Variants in GOLGA7B observed in about 807,000 individuals in gnomAD.
The protein encoded by GOLGA7B is golgin subfamily A member 7B.
In GOLGA7B, 17 loss-of-function variants were observed where a neutral mutation model predicts 21.5. The observed-to-expected ratio is 0.79, with a 90% CI of 0.54 to 1.19. The LOEUF is 1.19. Ranked by LOEUF, GOLGA7B falls within the 50% of genes most tolerant of loss-of-function variation. GOLGA7B has a pLI of 0.00. For synonymous variants in GOLGA7B, 87 were observed against 84.0 expected, an observed-to-expected ratio of 1.04 and a Z score of -0.19; for missense variants, 169 against 224.4, an observed-to-expected ratio of 0.75 and a Z score of 1.58.
chr10:97,856,679 T>TA (rs1480941585), intron 1 of GOLGA7B, among the ~76,000 whole-genome samples: 1 of 152,250 alleles, frequency 6.6e-6, no homozygotes, highest in Non-Finnish European at 1.5e-5. Flanking sequence ...TCCATAGAGG[T>TA]TGAACTAATT....
Position 97,869,385 on chromosome 10 carries a change from A to G in GOLGA7B, c.*3685A>G, listed in dbSNP as rs979349813. The G allele has an allele frequency of 6.6e-6, 1 of 152,408 alleles. No homozygotes were observed. Among genetic ancestry groups the G allele is most frequent in the Non-Finnish European group, 1.5e-5 (1 of 68,232 alleles). 9.4% of individuals were successfully genotyped at this position (152,408 alleles called of 1,614,324 possible). A position where few individuals can be genotyped will look rare whatever the true frequency, so the allele number is the denominator to read the frequency against. On this transcript the variant is annotated 3_prime_UTR_variant, in exon 5 of 5. Transcript: ENST00000370602. ...GTCTCTCCGGGGTCTGGCTGTAGCC[A>G]TGTCCCTGCACCCACCTTGCCAGCC...
chr10:97,862,393 C>T (rs2136517462), intron 2 of GOLGA7B, among the ~76,000 whole-genome samples: 1 of 152,324 alleles, frequency 6.6e-6, no homozygotes, highest in Admixed American at 6.5e-5. Context: ...TAGTAGCCTA[C>T]TGTTGACTGG....
intron 1 of GOLGA7B, among the ~76,000 whole-genome samples, chr10:97,852,013 T>A (rs1009971000): frequency 1.3e-5 from 2 of 152,228 alleles, no homozygotes; most frequent in African/African-American, 4.8e-5. Context: ...ATGGTGTTAT[T>A]ATGCCCAATT....
intron 1 of GOLGA7B, among the ~76,000 whole-genome samples, chr10:97,852,471 G>T (rs1178673340): frequency 1.3e-5 from 2 of 152,164 alleles, no homozygotes; most frequent in Admixed American, 1.3e-4. Context: ...CAGAACTGAG[G>T]CAGGAAGCCT....
At chr10:97,865,369 C>T (rs1167699943) in intron 4 of GOLGA7B, 5 of 705,526 alleles carry the variant, frequency 7.1e-6, no homozygotes, top group Admixed American at 6.2e-5. Context: ...CAGCTATGTG[C>T]CCAGCACAGG....
intron 1 of GOLGA7B, among the ~76,000 whole-genome samples, chr10:97,857,389 A>G (rs1233887228): frequency 2.3e-4 from 35 of 151,804 alleles, no homozygotes; most frequent in Admixed American, 2.3e-3. Flanking sequence ...ACACACACAC[A>G]CACACACACA....
intron 1 of GOLGA7B, among the ~76,000 whole-genome samples, chr10:97,850,980 G>A (rs1010664711): frequency 6.6e-6 from 1 of 151,572 alleles, no homozygotes; most frequent in Non-Finnish European, 1.5e-5. Flanking sequence ...GCTGAACCAC[G>A]GGGCCTGTTA....
chr10:97,854,929 G>A (rs1368056504), intron 1 of GOLGA7B, among the ~76,000 whole-genome samples: 1 of 152,146 alleles, frequency 6.6e-6, no homozygotes, highest in Admixed American at 6.5e-5. Context: ...CTTCAACACA[G>A]GGCTCCACCA....
chr10:97,851,237 C>G (rs1262604076), intron 1 of GOLGA7B, among the ~76,000 whole-genome samples: 1 of 152,182 alleles, frequency 6.6e-6, no homozygotes, highest in Non-Finnish European at 1.5e-5. Flanking sequence ...CAGGGTCTCC[C>G]CAGTTCTGAT....
intron 1 of GOLGA7B, among the ~76,000 whole-genome samples, chr10:97,855,589 G>T (rs753988884): frequency 6.6e-6 from 1 of 152,092 alleles, no homozygotes; most frequent in African/African-American, 2.4e-5. Flanking sequence ...CCACAAAACT[G>T]CTAGAATGAG....
chr10:97,858,188 AG>A (rs2049948112), intron 1 of GOLGA7B, among the ~76,000 whole-genome samples: 1 of 152,038 alleles, frequency 6.6e-6, no homozygotes. Context: ...GACTCAACAC[AG>A]GCTTCAGGAG....
chr10:97,859,675 A>G, intron 2 of GOLGA7B, 92 bp downstream of exon 2: 19 of 1,314,064 alleles, frequency 1.4e-5, no homozygotes, highest in Non-Finnish European at 1.8e-5. Context: ...CCTATGACAC[A>G]TAATATCATA....
At position 97,852,435 on chromosome 10, in the gene GOLGA7B, A is replaced by G. The variant is rs545973108; in HGVS notation, c.12+2120A>G. Among the ~76,000 whole-genome samples, 13 of 152,068 alleles carry G rather than the reference A, an allele frequency of 8.5e-5. No individual in the cohort carries two copies. The South Asian group carries it at 2.5e-3, about 29-fold the overall frequency. On this transcript the variant is annotated intron_variant, in intron 1 of 4. Transcript: ENST00000370602. Reference sequence around the variant, plus strand: ...GAGGACAAACATTCCTCACTTCACAATTTGGCCTTGGGTGGACTCTGATGG... The same window carrying G: ...GAGGACAAACATTCCTCACTTCACAGTTTGGCCTTGGGTGGACTCTGATGG...
At position 97,850,224 on chromosome 10, in the gene GOLGA7B, C is replaced by A; in HGVS notation, c.-80C>A. The A allele has an allele frequency of 8.9e-7, 1 of 1,127,748 alleles. No individual in the cohort carries two copies. The highest frequency in any genetic ancestry group is 1.2e-6 in the Non-Finnish European group (1 of 843,546). The allele number at this position is 1,127,748 out of a possible 1,614,324, so 69.9% of individuals were successfully genotyped here. On this transcript the variant is annotated 5_prime_UTR_variant, in exon 1 of 5. Transcript: ENST00000370602. ...GGGCCCCAGCTCGCCGCCACCGCCG[C>A]CGCCCACCTGCTCCCGGGGTCAGCA...
intron 1 of GOLGA7B, among the ~76,000 whole-genome samples, chr10:97,856,781 G>A (rs186767693): frequency 1.8e-4 from 28 of 152,236 alleles, no homozygotes; most frequent in Non-Finnish European, 2.1e-4. Flanking sequence ...TCTGATTGGT[G>A]TAGCATGATG....
At position 97,870,814 on chromosome 10, in the gene GOLGA7B, C is replaced by G. The variant is rs2050084921; in HGVS notation, c.*5114C>G. ...CCTCTAAAAGGGAAGGTCCCTGATG[C>G]CTAAGAAAATCTGAAAACAGCCCAG... On this transcript the variant is annotated 3_prime_UTR_variant, in exon 5 of 5. Coordinates refer to ENST00000370602, the MANE Select transcript of GOLGA7B (RefSeq NM_001010917.3). The G allele has an allele frequency of 6.6e-6, 1 of 151,946 alleles. No individual in the cohort carries two copies. Among genetic ancestry groups the G allele is most frequent in the African/African-American group, 2.4e-5 (1 of 41,340 alleles). The allele number at this position is 151,946 out of a possible 1,614,324, so 9.4% of individuals were successfully genotyped here. A position where few individuals can be genotyped will look rare whatever the true frequency, so the allele number is the denominator to read the frequency against.
chr10:97,854,870 A>T (rs563816507), intron 1 of GOLGA7B, among the ~76,000 whole-genome samples: 2 of 152,324 alleles, frequency 1.3e-5, no homozygotes, highest in South Asian at 4.1e-4. Flanking sequence ...CAAGGCAGTG[A>T]TTCAGTGATT....
chr10:97,864,087 C>A lies in GOLGA7B; in HGVS notation c.291+5C>A, dbSNP rs1309357984. Reference sequence around the variant, plus strand: ...ATGGAGACCCACTATGAGAAGGTGGCCCCTCCCGCCCCACCGTGCATCCCT... The same window carrying A: ...ATGGAGACCCACTATGAGAAGGTGGACCCTCCCGCCCCACCGTGCATCCCT... On this transcript the variant is annotated splice_donor_5th_base_variant and intron_variant, in intron 3 of 4. Transcript: ENST00000370602. 1 of 1,613,588 alleles carries A rather than the reference C, an allele frequency of 6.2e-7. No individual in the cohort carries two copies. Among genetic ancestry groups the A allele is most frequent in the Non-Finnish European group, 8.5e-7 (1 of 1,179,678 alleles).
At position 97,865,696 on chromosome 10, in the gene GOLGA7B, G is replaced by A. The variant is rs756768647; in HGVS notation, c.500G>A (p.Arg167Gln). 19 of 1,604,262 alleles carry A rather than the reference G, an allele frequency of 1.2e-5. No individual in the cohort carries two copies. The highest frequency in any genetic ancestry group is 1.7e-4 in the Middle Eastern group (1 of 5,994). The change falls in exon 5 of 5, where the codon CGG becomes CAG. Residue 167 changes from arginine to glutamine, a missense_variant. Transcript: ENST00000370602. Reference protein sequence around the residue: ...SSGGGGGAGAR With the variant: ...SSGGGGGAGAQ ...GGTGGGGGTGGTGGGGCGGGGGCCCGGTGACTGGCCGAGAGTCCCTGTAGG... is the reference window on the plus strand; with the variant it reads ...GGTGGGGGTGGTGGGGCGGGGGCCCAGTGACTGGCCGAGAGTCCCTGTAGG...
Sources: gnomAD v4.1 joint callset for allele counts (sites outside exome capture counted in the v4.1 genomes callset) on GRCh38, gnomAD v4.1.1 for gene constraint, MANE v1.5 for transcripts, NCBI Gene and HGNC (gene_info 2026-07-23, HGNC 2026-07-21) for gene names.